AUP1: variants seen among roughly 807,000 people sequenced by gnomAD.
AUP1 encodes the protein AUP1 lipid droplet regulating VLDL assembly factor, also known as lipid droplet-regulating VLDL assembly factor AUP1.
A neutral mutation model predicts 51.8 loss-of-function variants in AUP1; 30 were observed. That is an observed-to-expected ratio of 0.58 (90% CI 0.43 to 0.79). AUP1 has a LOEUF of 0.79. Ranked by LOEUF, AUP1 falls within the 30% of genes least tolerant of loss-of-function variation. The pLI, the probability that AUP1 is intolerant of heterozygous loss-of-function variation, is 0.00. For synonymous variants in AUP1, 227 were observed against 209.0 expected (o/e 1.09, Z -0.74); for missense variants, 492 against 517.1 (o/e 0.95, Z 0.47).
At position 74,527,838 on chromosome 2, in the gene AUP1, G is replaced by C; in HGVS notation, c.739C>G (p.Leu247Val). ...GTCTGGCCCAATTCCTTGGCCACCA[G>C]CTAGGGAGAATTGGAAGACTGGAAG... ...NEEFALRVQQ[L>V]VAKELGQTGT... Residue 247 changes from leucine to valine, a missense_variant and splice_region_variant, in exon 8 of 12, where the codon CTG becomes GTG. Coordinates refer to ENST00000377526, the MANE Select transcript of AUP1 (RefSeq NM_181575.5). 6.2e-7 allele frequency: 1 copy of C among 1,614,074 alleles called. No individual in the cohort carries two copies. Among genetic ancestry groups the C allele is most frequent in the Non-Finnish European group, 8.5e-7 (1 of 1,179,966 alleles).
At chr2:74,528,662 T>C in intron 4 of AUP1, 89 bp downstream of exon 4, 1 of 1,461,418 alleles carries the variant, frequency 6.8e-7, no homozygotes, top group Non-Finnish European at 9.3e-7. Flanking sequence ...GATGATGGGG[T>C]CTAAGGGCCG....
In AUP1 at chr2:74,527,853, AAGACT is replaced by A; in HGVS notation, c.739-20_739-16del. 1 of 1,613,772 alleles carries A rather than the reference AAGACT, an allele frequency of 6.2e-7. No individual in the cohort carries two copies. ...TTGGCCACCAGCTAGGGAGAATTGGAAGACTGGAAGTGTCAAGATCTCAAGCTTTC... is the reference window on the plus strand; with the variant it reads ...TTGGCCACCAGCTAGGGAGAATTGGAGGAAGTGTCAAGATCTCAAGCTTTC... On this transcript the variant is annotated splice_polypyrimidine_tract_variant and intron_variant, in intron 7 of 11. Coordinates refer to ENST00000377526, the MANE Select transcript of AUP1 (RefSeq NM_181575.5).
chr2:74,527,385 G>T, intron 9 of AUP1, 22 bp from the exon 10 acceptor site: 2 of 1,613,434 alleles, frequency 1.2e-6, no homozygotes, highest in Non-Finnish European at 1.7e-6. Flanking sequence ...AGAGAAGGGA[G>T]TCCACTCCCT....
In AUP1 at chr2:74,526,690, G is replaced by A; in HGVS notation, c.*110C>T. ...ATGAATTTAATGTGACATTGGGGGAGCCTCATCCTTCCCTTTTTACCACCC... is the reference window on the plus strand; with the variant it reads ...ATGAATTTAATGTGACATTGGGGGAACCTCATCCTTCCCTTTTTACCACCC... On this transcript the variant is annotated 3_prime_UTR_variant, in exon 12 of 12. Transcript: ENST00000377526. The A allele has an allele frequency of 2.4e-6, 3 of 1,272,426 alleles. No individual in the cohort carries two copies. The highest frequency in any genetic ancestry group is 3.3e-6 in the Non-Finnish European group (3 of 921,978). The allele number at this position is 1,272,426 out of a possible 1,614,324, so 78.8% of individuals were successfully genotyped here.
Position 74,526,797 on chromosome 2 carries a change from A to T in AUP1, c.*3T>A. ...CTCTGGGTGCCATCCTGTTCCTTTG[A>T]GCTCAGTCAGCCTCCTGGGCTCGTC... is the stretch of plus-strand genomic sequence containing the variant. On this transcript the variant is annotated 3_prime_UTR_variant, in exon 12 of 12. Transcript: ENST00000377526. 3 of 1,536,748 alleles carry T rather than the reference A, an allele frequency of 2.0e-6. No individual in the cohort carries two copies. Among genetic ancestry groups the T allele is most frequent in the South Asian group, 2.6e-5 (2 of 78,070 alleles).
Position 74,527,934 on chromosome 2 carries a change from G to T in AUP1, c.738+6C>A. 6.2e-7 allele frequency: 1 copy of T among 1,614,050 alleles called. No individual in the cohort carries two copies. Among genetic ancestry groups the T allele is most frequent in the South Asian group, 1.1e-5 (1 of 91,064 alleles). ...CCGCCTCCACCCTGTCTGTGCACCC[G>T]ACCACCTGTTGTACACGGAGTGCAA... On this transcript the variant is annotated splice_donor_region_variant and intron_variant, in intron 7 of 11. Coordinates refer to ENST00000377526, the MANE Select transcript of AUP1 (RefSeq NM_181575.5).
chr2:74,527,999 G>C lies in AUP1; in HGVS notation c.679C>G (p.Arg227Gly), dbSNP rs755973491. The change falls in exon 7 of 12, where the codon CGT becomes GGT. Residue 227 changes from arginine to glycine, a missense_variant. Coordinates refer to ENST00000377526, the MANE Select transcript of AUP1 (RefSeq NM_181575.5). ...PFTVYQVRWL[R>G]PVHRQLGEAN... ...TCCCCTAGTTGGCGATGAACAGGAC[G>C]AAGCCACCTGCAAAGAAACAATCCA... 3 of 1,614,066 alleles carry C rather than the reference G, an allele frequency of 1.9e-6. No individual in the cohort carries two copies. Among genetic ancestry groups the C allele is most frequent in the Non-Finnish European group, 2.5e-6 (3 of 1,180,040 alleles).
In AUP1 at chr2:74,528,488, A is replaced by C. The variant is rs565827837; in HGVS notation, c.526T>G (p.Ser176Ala). 3 of 1,612,608 alleles carry C rather than the reference A, an allele frequency of 1.9e-6. No homozygotes were observed. The change falls in exon 5 of 12, where the codon TCC (serine) becomes GCC (alanine). Residue 176 changes from serine (S) to alanine (A), a missense_variant and splice_region_variant. Ser to Ala is a moderately conservative substitution (Grantham distance 99). Transcript: ENST00000377526. ...NGREGLLRFS[S>A]WPFSIQDVVQ... is the part of the protein sequence containing the mutation. ...ACATCTTGGATAGAAAATGGCCAGG[A>C]ACTAGAAGAGGAAGGAGAAAGTAGG...
Position 74,526,718 on chromosome 2 carries a change from C to T in AUP1, c.*82G>A, listed in dbSNP as rs757343397. On this transcript the variant is annotated 3_prime_UTR_variant, in exon 12 of 12. Coordinates refer to ENST00000377526, the MANE Select transcript of AUP1 (RefSeq NM_181575.5). ...TCATCCTTCCCTTTTTACCACCCAC[C>T]CATCCAGCCTGTTGTGAGTTGGGTG... 233 of 1,445,384 alleles carry T rather than the reference C, an allele frequency of 1.6e-4. No homozygotes were observed. The highest frequency in any genetic ancestry group is 2.0e-4 in the Non-Finnish European group (215 of 1,077,382). The allele number at this position is 1,445,384 out of a possible 1,614,324, so 89.5% of individuals were successfully genotyped here.
chr2:74,527,721 A>C lies in AUP1; in HGVS notation c.841+15T>G, dbSNP rs754293219. 6.2e-7 allele frequency: 1 copy of C among 1,612,838 alleles called. No individual in the cohort carries two copies. Among genetic ancestry groups the C allele is most frequent in the Admixed American group, 1.7e-5 (1 of 60,000 alleles). Reference sequence around the variant, plus strand: ...AAAAAAACCCCAAAAGCTGTAATGTATAGAGACCACATACCTGACTGGGGG... The same window carrying C: ...AAAAAAACCCCAAAAGCTGTAATGTCTAGAGACCACATACCTGACTGGGGG... On this transcript the variant is annotated intron_variant, in intron 8 of 11. Transcript: ENST00000377526.
Position 74,527,831 on chromosome 2 carries a change from G to A in AUP1, c.746C>T (p.Ala249Val). The part of the protein sequence containing the change: ...EFALRVQQLV[A>V]KELGQTGTRL... Reference sequence around the variant, plus strand: ...TGTCCCTGTCTGGCCCAATTCCTTGGCCACCAGCTAGGGAGAATTGGAAGA... The same window carrying A: ...TGTCCCTGTCTGGCCCAATTCCTTGACCACCAGCTAGGGAGAATTGGAAGA... Residue 249 changes from alanine to valine, a missense_variant, in exon 8 of 12, where the codon GCC (alanine) becomes GTC (valine). Physicochemically the swap from Ala to Val is moderately conservative, Grantham distance 64. Transcript: ENST00000377526. 1 of 1,614,070 alleles carries A rather than the reference G, an allele frequency of 6.2e-7. No homozygotes were observed. Among genetic ancestry groups the A allele is most frequent in the Non-Finnish European group, 8.5e-7 (1 of 1,180,006 alleles).
At position 74,529,508 on chromosome 2, in the gene AUP1, G is replaced by T; in HGVS notation, c.51-9C>A. On this transcript the variant is annotated splice_polypyrimidine_tract_variant and intron_variant, in intron 1 of 11. Coordinates refer to ENST00000377526, the MANE Select transcript of AUP1 (RefSeq NM_181575.5). ...AGCAGTCACCCGGAAGCCTGGGGGC[G>T]AGAGGCGAAGTGGTCAGGCGCCGAA... 6.5e-7 allele frequency: 1 copy of T among 1,549,666 alleles called. No individual in the cohort carries two copies. Among genetic ancestry groups the T allele is most frequent in the Admixed American group, 1.9e-5 (1 of 51,350 alleles).
In AUP1 at chr2:74,528,813, A is replaced by G; in HGVS notation, c.462T>C (p.Thr154=). 6.2e-7 allele frequency: 1 copy of G among 1,614,064 alleles called. No individual in the cohort carries two copies. The highest frequency in any genetic ancestry group is 8.5e-7 in the Non-Finnish European group (1 of 1,179,974). The part of the protein sequence containing the change: ...RFCASTRLPP[T]PLLLFPEEEA... ...CTTCCTCAGGGAATAGCAGCAGAGG[A>G]GTGGGGGGAAGCCTCGTGGAAGCAC... The change falls in exon 4 of 12, where the codon ACT becomes ACC. Residue 154 remains threonine, a synonymous_variant. Coordinates refer to ENST00000377526, the MANE Select transcript of AUP1 (RefSeq NM_181575.5).
At chr2:74,526,892 C>A (rs1204369574) in intron 11 of AUP1, 49 bp downstream of exon 11, 2 of 1,607,306 alleles carry the variant, frequency 1.2e-6, no homozygotes, top group Non-Finnish European at 1.7e-6. Flanking sequence ...CTCCATAATT[C>A]CATTCTCCAA....
rs745403243 is a variant in AUP1, at chr2:74,527,276, T to G, written c.1049A>C (p.Gln350Pro). ...GGAGGCAGAGGCTGTGGGTAGGGACTGAGTTCCCTTGGTGATGTCTTCAGG... is the reference window on the plus strand; with the variant it reads ...GGAGGCAGAGGCTGTGGGTAGGGACGGAGTTCCCTTGGTGATGTCTTCAGG... ...FMPEDITKGT[Q>P]SLPTASASKF... Residue 350 changes from glutamine to proline, a missense_variant, in exon 10 of 12, where the codon CAG becomes CCG. Gln to Pro is a moderately conservative substitution (Grantham distance 76, BLOSUM62 -1). Transcript: ENST00000377526. The G allele has an allele frequency of 6.2e-7, 1 of 1,613,992 alleles. No homozygotes were observed. Among genetic ancestry groups the G allele is most frequent in the Non-Finnish European group, 8.5e-7 (1 of 1,179,958 alleles).
Position 74,528,433 on chromosome 2 carries a change from C to T in AUP1, c.581G>A (p.Arg194Lys). 4.3e-6 allele frequency: 7 copies of T among 1,613,824 alleles called. No homozygotes were observed. Among genetic ancestry groups the T allele is most frequent in the Non-Finnish European group, 5.1e-6 (6 of 1,179,802 alleles). Residue 194 changes from arginine to lysine, a missense_variant, in exon 5 of 12, where the codon AGA (arginine) becomes AAA (lysine). Transcript: ENST00000377526. ...VVQPLTLQVQ[R>K]PLVSVTVSDA... ...CACACTCACCACAGAGACCAGGGGT[C>T]TCTGAACTTGCAGGGTAAGAGGTTG...
At chr2:74,528,185 A>G in intron 6 of AUP1, 63 bp downstream of exon 6, 1 of 1,535,972 alleles carries the variant, frequency 6.5e-7, no homozygotes, top group South Asian at 1.1e-5. Context: ...GGCAGAGGCC[A>G]CTAATTCCTT....
chr2:74,529,125 C>T lies in AUP1; in HGVS notation c.339+7G>A, dbSNP rs1454957684. 2 of 1,614,220 alleles carry T rather than the reference C, an allele frequency of 1.2e-6. No individual in the cohort carries two copies. Among genetic ancestry groups the T allele is most frequent in the Admixed American group, 1.7e-5 (1 of 60,034 alleles). ...CCCGTGGCGCTCTCGGCCTCGCTCTCACTCACGGTGCTACAGGTGGTAAGC... is the reference window on the plus strand; with the variant it reads ...CCCGTGGCGCTCTCGGCCTCGCTCTTACTCACGGTGCTACAGGTGGTAAGC... On this transcript the variant is annotated splice_region_variant and intron_variant, in intron 3 of 11. Coordinates refer to ENST00000377526, the MANE Select transcript of AUP1 (RefSeq NM_181575.5).
intron 4 of AUP1, 108 bp downstream of exon 4, chr2:74,528,638 GGAAAT>G: frequency 7.1e-7 from 1 of 1,414,300 alleles, no homozygotes; most frequent in Non-Finnish European, 9.8e-7. Context: ...TGGACAGAAA[GGAAAT>G]GAACTGGAGA....
Sources: allele counts gnomAD v4.1 joint callset, GRCh38; gene constraint gnomAD v4.1.1; transcripts MANE v1.5; gene names NCBI Gene and HGNC (gene_info 2026-07-23, HGNC 2026-07-21).